RIF1: variants seen among roughly 807,000 people sequenced by gnomAD.
RIF1 encodes the protein replication timing regulatory factor 1, also known as telomere-associated protein RIF1.
In RIF1, 45 loss-of-function variants were observed where a neutral mutation model predicts 247.1. That is an observed-to-expected ratio of 0.18 (90% confidence interval 0.14 to 0.23). RIF1 has a LOEUF of 0.23. Ranked by LOEUF, RIF1 falls within the 10% of genes least tolerant of loss-of-function variation. RIF1 has a pLI of 1.00. For missense variants in RIF1, 2,967 were observed against 2,862.5 expected, an observed-to-expected ratio of 1.04 and a Z score of -0.83; for synonymous variants, 1,087 against 978.8, an observed-to-expected ratio of 1.11 and a Z score of -2.06.
At position 151,451,595 on chromosome 2, in the gene RIF1, T is replaced by C; in HGVS notation, c.2245-11T>C. The C allele has an allele frequency of 8.0e-7, 1 of 1,255,652 alleles. No individual in the cohort carries two copies. The highest frequency in any genetic ancestry group is 1.2e-6 in the Non-Finnish European group (1 of 854,640). 77.8% of individuals were successfully genotyped at this position (1,255,652 alleles called of 1,614,324 possible). A position where few individuals can be genotyped will look rare whatever the true frequency, so the allele number is the denominator to read the frequency against. On this transcript the variant is annotated splice_polypyrimidine_tract_variant and intron_variant, in intron 20 of 35. Coordinates refer to ENST00000444746, the MANE Select transcript of RIF1 (RefSeq NM_018151.5). ...CTTGAATGTTTCTAACAGTGGTACT[T>C]TCTTCCCTAGAATTTGTTGTTCGTG...
downstream of RIF1, among the ~76,000 whole-genome samples, chr2:151,487,065 G>A (rs1198914383): frequency 6.6e-6 from 1 of 152,202 alleles, no homozygotes; most frequent in East Asian, 1.9e-4. Flanking sequence ...GTGCGCATGT[G>A]CGTGTGTGTG....
chr2:151,505,709 A>T, intron 12 of RIF1: 1 of 687,304 alleles, frequency 1.5e-6, no homozygotes, highest in Non-Finnish European at 2.6e-6. Flanking sequence ...CTTAGTGTGA[A>T]TGGGACCTCA....
chr2:151,518,451 T>C, the RIF1 span: 2 of 1,351,522 alleles, frequency 1.5e-6, no homozygotes, highest in East Asian at 2.3e-5. Context: ...AAAAGGCACA[T>C]TGATGGAGAA....
At chr2:151,534,350 G>C in the RIF1 span, 1 of 1,573,560 alleles carries the variant, frequency 6.4e-7, no homozygotes, top group East Asian at 2.2e-5. Flanking sequence ...ATTATAGCAA[G>C]AGTACAACTT....
chr2:151,492,696 GACTTCGA>G (rs2057540141), intron 9 of RIF1: 1 of 387,538 alleles, frequency 2.6e-6, no homozygotes, highest in South Asian at 1.0e-4. Flanking sequence ...GACTTGTTTT[GACTTCGA>G]AAATGAAACT....
At chr2:151,447,101 G>A (rs1693432364) in intron 20 of RIF1, among the ~76,000 whole-genome samples, 1 of 151,724 alleles carries the variant, frequency 6.6e-6, no homozygotes, top group African/African-American at 2.4e-5. Flanking sequence ...CCGCCACCAC[G>A]CCCGGCTAAT....
Position 151,437,330 on chromosome 2 carries a change from G to A in RIF1, c.1462G>A (p.Ala488Thr). The change falls in exon 13 of 36, where the codon GCA (alanine) becomes ACA (threonine). Residue 488 changes from alanine (A) to threonine (T), a missense_variant. This residue lies in a region of RIF1 where 369 missense variants were observed against 322.0 expected (regional missense o/e 1.15). Transcript: ENST00000444746. ...CACTGCTGTTCATGATAGCTTTGTTGCAGTTGGAAAAGATGCCCCCGGTAA... is the reference window on the plus strand; with the variant it reads ...CACTGCTGTTCATGATAGCTTTGTTACAGTTGGAAAAGATGCCCCCGGTAA... ...LITAVHDSFVAVGKDAPDVVV... is the reference protein window; with the variant it reads ...LITAVHDSFVTVGKDAPDVVV... The A allele has an allele frequency of 1.2e-6, 2 of 1,612,730 alleles. No homozygotes were observed. Among genetic ancestry groups the A allele is most frequent in the Non-Finnish European group, 1.7e-6 (2 of 1,179,066 alleles).
intron 23 of RIF1, among the ~76,000 whole-genome samples, 188 bp downstream of exon 23, chr2:151,456,808 C>T (rs1695270489): frequency 6.6e-6 from 1 of 152,216 alleles, no homozygotes; most frequent in Non-Finnish European, 1.5e-5. Flanking sequence ...TCTCGGCTCA[C>T]TGCAACCTCC....
At chr2:151,474,173 A>G (rs1331218085) in intron 35 of RIF1, 101 bp downstream of exon 35, 12 of 684,932 alleles carry the variant, frequency 1.8e-5, no homozygotes, top group Non-Finnish European at 2.6e-5. Context: ...CCTTATTTCA[A>G]CAATTATTTT....
intron 7 of RIF1, among the ~76,000 whole-genome samples, chr2:151,422,478 T>C (rs1688350667): frequency 6.6e-6 from 1 of 151,926 alleles, no homozygotes; most frequent in African/African-American, 2.4e-5. Flanking sequence ...TATGCTTCAG[T>C]TTTCCTTTTG....
Position 151,462,463 on chromosome 2 carries a change from T to C in RIF1, c.3360T>C (p.Ile1120=). Residue 1120 remains isoleucine (I), a synonymous_variant, in exon 29 of 36, where the codon ATT becomes ATC. Transcript: ENST00000444746. ...CAAAGGAGGATTCTAAGATGATGAT[T>C]ACGGTATGTTTGACATTTCATATTT... ...RKPKEDSKMM[I]TEEQMDSDIV... is the part of the protein sequence containing the mutation. 1 of 1,557,964 alleles carries C rather than the reference T, an allele frequency of 6.4e-7. No individual in the cohort carries two copies. The highest frequency in any genetic ancestry group is 8.7e-7 in the Non-Finnish European group (1 of 1,150,258).
rs935104250 is a variant in RIF1 at position 151,425,448 on chromosome 2, G to T, written c.786+2406G>T. 3.3e-5 allele frequency among the ~76,000 whole-genome samples: 5 copies of T among 152,000 alleles called. No individual in the cohort carries two copies. In the South Asian group the frequency reaches 6.2e-4, roughly 19 times the overall value. ...TACTTGACATCATATTCATGAAGTT[G>T]TTGCCAAATCCAGTGTCATTTTTGT... On this transcript the variant is annotated intron_variant, in intron 8 of 35. Transcript: ENST00000444746.
intron 9 of RIF1, chr2:151,492,262 A>G (rs1392019469): frequency 5.6e-6 from 9 of 1,613,028 alleles, no homozygotes; most frequent in Middle Eastern, 3.3e-4. Context: ...GTGTTTCTCA[A>G]AGTCTTCATG....
chr2:151,414,706 C>T, intron 3 of RIF1, 117 bp from the exon 4 acceptor site: 6 of 642,688 alleles, frequency 9.3e-6, no homozygotes, highest in Admixed American at 3.1e-5. Flanking sequence ...TATGCGTATT[C>T]TCAAGGATTT....
Position 151,413,629 on chromosome 2 carries a change from T to C in RIF1, c.184-1194T>C, listed in dbSNP as rs117580729. Among the ~76,000 whole-genome samples, 349 of 152,348 alleles carry C rather than the reference T, an allele frequency of 2.3e-3. 9 individuals are homozygous for C. The East Asian group carries it at 0.046, about 20-fold the overall frequency. On this transcript the variant is annotated intron_variant, in intron 3 of 35. Coordinates refer to ENST00000444746, the MANE Select transcript of RIF1 (RefSeq NM_018151.5). ...AATCACAAACATTTACTAGCTGTTA[T>C]CCAGGAGATACACTAGTAGCTCTCA...
At chr2:151,531,693 G>T in the RIF1 span, 1 of 866,812 alleles carries the variant, frequency 1.2e-6, no homozygotes, top group South Asian at 1.4e-5. Flanking sequence ...CCCACTAAAT[G>T]GCAGTAGTCT....
At chr2:151,506,522 GTTGA>G in intron 13 of RIF1, 1 of 448,228 alleles carries the variant, frequency 2.2e-6, no homozygotes, top group African/African-American at 2.0e-5. Flanking sequence ...GCCAGGAAAT[GTTGA>G]TTAACAACAA....
At position 151,446,574 on chromosome 2, in the gene RIF1, C is replaced by T. The variant is rs775778532; in HGVS notation, c.2243C>T (p.Ser748Phe). ...IMSSLEDEGF[S>F]NLLFVDRIIY... is the part of the protein sequence containing the mutation. ...TCCAGTTTGGAAGATGAAGGCTTTT[C>T]TGTGAGTTTGTCCTGATGCTACCTT... The change falls in exon 20 of 36, where the codon TCT (serine) becomes TTT (phenylalanine). Residue 748 changes from serine to phenylalanine, a missense_variant and splice_region_variant. By Grantham distance (155) the Ser-to-Phe change is radical (BLOSUM62 -2). Around this residue, in one of 7 missense-constraint regions of RIF1, gnomAD observed 2,028 missense variants for 1,825.6 expected, o/e 1.11. Coordinates refer to ENST00000444746, the MANE Select transcript of RIF1 (RefSeq NM_018151.5). The T allele has an allele frequency of 2.2e-5, 35 of 1,611,946 alleles. No individual in the cohort carries two copies. In the African/African-American group the frequency reaches 4.4e-4, roughly 20 times the overall value.
rs1340654899 is a variant in RIF1, at chr2:151,465,768, A to T, written c.6248A>T (p.Asn2083Ile). The change falls in exon 30 of 36, where the codon AAT becomes ATT. Residue 2083 changes from asparagine to isoleucine, a missense_variant. Transcript: ENST00000444746. ...MSTEEGIIDA[N>I]KTETNTEYSK... ...ACTGAAGAAGGAATCATTGACGCTA[A>T]TAAAACTGAAACAAATACTGAGTAT... 3.7e-6 allele frequency: 6 copies of T among 1,613,542 alleles called. No individual in the cohort carries two copies. In the African/African-American group the frequency reaches 8.0e-5, roughly 22 times the overall value.
Sources: allele counts gnomAD v4.1 joint callset (sites outside exome capture counted in the v4.1 genomes callset), GRCh38; gene constraint gnomAD v4.1.1; regional missense constraint gnomAD v4.1.1; transcripts MANE v1.5; gene names NCBI Gene and HGNC (gene_info 2026-07-23, HGNC 2026-07-21).